RCAN2: variants seen among roughly 807,000 people sequenced by gnomAD.
RCAN2 encodes calcipressin-2.
A neutral mutation model predicts 23.6 loss-of-function variants in RCAN2; 9 were observed. The ratio of observed to expected loss-of-function variants is 0.38; its 90% CI spans 0.23 to 0.67. The LOEUF is 0.67. RCAN2 is among the 30% of genes least tolerant of loss of function. The probability of loss-of-function intolerance (pLI) is 0.51; values close to 1 mark genes in which losing one functional copy is unlikely to be tolerated. For synonymous variants in RCAN2, 109 were observed against 115.7 expected (o/e 0.94, Z 0.37); for missense variants, 273 against 302.3 (o/e 0.90, Z 0.72).
intron 4 of RCAN2, among the ~76,000 whole-genome samples, chr6:46,242,793 G>A (rs1341838894): frequency 6.6e-6 from 1 of 152,182 alleles, no homozygotes; most frequent in East Asian, 1.9e-4. Context: ...GACTGAGTCT[G>A]GCTAAAGCTA....
At chr6:46,244,410 A>C (rs1049806449) in intron 4 of RCAN2, among the ~76,000 whole-genome samples, 1 of 152,074 alleles carries the variant, frequency 6.6e-6, no homozygotes, top group Non-Finnish European at 1.5e-5. Context: ...ATCAGTCCCA[A>C]GTCACATTTG....
rs549177537 is a variant in RCAN2, at chr6:46,285,872, T to C, written c.226-36976A>G. On this transcript the variant is annotated intron_variant, in intron 2 of 4. Transcript: ENST00000371374. ...TCAAGAGTTAGACAGACTGGACTTCTGGTTATGCCATTTACACAGATGTTA... is the reference window on the plus strand; with the variant it reads ...TCAAGAGTTAGACAGACTGGACTTCCGGTTATGCCATTTACACAGATGTTA... Among the ~76,000 whole-genome samples the C allele has an allele frequency of 3.9e-5, 6 of 152,326 alleles. No individual in the cohort carries two copies. In the South Asian group the frequency reaches 1.2e-3, roughly 32 times the overall value.
At chr6:46,386,260 T>A (rs1313127089) in intron 2 of RCAN2, among the ~76,000 whole-genome samples, 2 of 151,450 alleles carry the variant, frequency 1.3e-5, no homozygotes, top group Non-Finnish European at 2.9e-5. Context: ...CCAACAAACA[T>A]GAAAAAAAGC....
At chr6:46,319,315 C>A (rs1181410537) in intron 2 of RCAN2, among the ~76,000 whole-genome samples, 1 of 152,178 alleles carries the variant, frequency 6.6e-6, no homozygotes, top group Non-Finnish European at 1.5e-5. Context: ...GATAGTTGGA[C>A]TCAAACAGAA....
At chr6:46,232,202 A>C (rs1479268853) in intron 4 of RCAN2, among the ~76,000 whole-genome samples, 1 of 152,252 alleles carries the variant, frequency 6.6e-6, no homozygotes, top group Admixed American at 6.5e-5. Flanking sequence ...AGCACGCTGT[A>C]ATCCATGGGG....
intron 2 of RCAN2, among the ~76,000 whole-genome samples, chr6:46,285,873 G>A (rs2150341822): frequency 6.6e-6 from 1 of 152,192 alleles, no homozygotes; most frequent in African/African-American, 2.4e-5. Context: ...CTGGACTTCT[G>A]GTTATGCCAT....
intron 2 of RCAN2, among the ~76,000 whole-genome samples, chr6:46,274,194 T>C (rs1457329716): frequency 6.6e-6 from 1 of 152,216 alleles, no homozygotes; most frequent in Non-Finnish European, 1.5e-5. Flanking sequence ...GGGAAAGTGT[T>C]TGCTCGAGAA....
intron 2 of RCAN2, among the ~76,000 whole-genome samples, chr6:46,429,402 C>T (rs1767123896): frequency 6.6e-6 from 1 of 152,168 alleles, no homozygotes; most frequent in African/African-American, 2.4e-5. Flanking sequence ...CAGAACTCTG[C>T]ATCTTTTACC....
intron 2 of RCAN2, among the ~76,000 whole-genome samples, chr6:46,410,154 C>A (rs1379526489): frequency 3.3e-5 from 5 of 152,046 alleles, no homozygotes; most frequent in African/African-American, 1.2e-4. Flanking sequence ...AAAGTCTAGG[C>A]CTTTGGGCTT....
chr6:46,403,251 C>T (rs1766309341), intron 2 of RCAN2, among the ~76,000 whole-genome samples: 1 of 152,020 alleles, frequency 6.6e-6, no homozygotes, highest in Admixed American at 6.5e-5. Flanking sequence ...AGGCGTGAGC[C>T]ACCGCGCCCA....
At chr6:46,334,559 G>T (rs572315288) in intron 2 of RCAN2, among the ~76,000 whole-genome samples, 2 of 152,300 alleles carry the variant, frequency 1.3e-5, no homozygotes, top group South Asian at 4.1e-4. Flanking sequence ...CAATAGGGAT[G>T]GTGGGGTGGG....
intron 2 of RCAN2, among the ~76,000 whole-genome samples, chr6:46,451,031 A>C (rs919812265): frequency 6.6e-6 from 1 of 152,120 alleles, no homozygotes; most frequent in Non-Finnish European, 1.5e-5. Context: ...GTATACAATA[A>C]ATGTATACAT....
At chr6:46,397,233 T>C (rs1240879389) in intron 2 of RCAN2, among the ~76,000 whole-genome samples, 1 of 152,152 alleles carries the variant, frequency 6.6e-6, no homozygotes, top group Non-Finnish European at 1.5e-5. Context: ...TAGAAATAGA[T>C]TACTGGTTTC....
intron 1 of RCAN2, among the ~76,000 whole-genome samples, chr6:46,467,534 C>T (rs1046772993): frequency 1.3e-5 from 2 of 152,210 alleles, no homozygotes; most frequent in African/African-American, 4.8e-5. Context: ...AGGAGCTCCT[C>T]CTCTCTTTCC....
intron 2 of RCAN2, among the ~76,000 whole-genome samples, chr6:46,249,317 C>CTTTTTTTT (rs11331303): frequency 5.1e-5 from 5 of 97,106 alleles, no homozygotes; most frequent in South Asian, 3.5e-4. Context: ...TTCTTTCTTT[C>CTTTTTTTT]TTTTTTTTTT....
intron 2 of RCAN2, among the ~76,000 whole-genome samples, chr6:46,356,666 T>C (rs1561872798): frequency 2.6e-5 from 4 of 152,138 alleles, no homozygotes; most frequent in African/African-American, 9.7e-5. Flanking sequence ...GGTGCTGTGA[T>C]GCCCAATTTC....
chr6:46,459,477 C>T (rs1183967890), intron 1 of RCAN2, among the ~76,000 whole-genome samples: 1 of 152,186 alleles, frequency 6.6e-6, no homozygotes, highest in Non-Finnish European at 1.5e-5. Flanking sequence ...TAATTTCTAT[C>T]CTAAGCTGTA....
At chr6:46,423,532 A>G (rs915816282) in intron 2 of RCAN2, among the ~76,000 whole-genome samples, 4 of 152,224 alleles carry the variant, frequency 2.6e-5, no homozygotes, top group Non-Finnish European at 5.9e-5. Flanking sequence ...TATTAGCTCG[A>G]GAATACTGAC....
intron 2 of RCAN2, among the ~76,000 whole-genome samples, chr6:46,253,061 T>C (rs771048419): frequency 3.9e-4 from 60 of 152,312 alleles, no homozygotes; most frequent in Non-Finnish European, 3.4e-4. Flanking sequence ...ACATTAATCA[T>C]TTAGACAATA....
Sources: gnomAD v4.1 joint callset for allele counts (sites outside exome capture counted in the v4.1 genomes callset) on GRCh38, gnomAD v4.1.1 for gene constraint, MANE v1.5 for transcripts, NCBI Gene and HGNC (gene_info 2026-07-23, HGNC 2026-07-21) for gene names.